The following ENPP4 variants were observed in gnomAD, a reference collection of about 807,000 sequenced individuals.
The protein encoded by ENPP4 is bis(5'-adenosyl)-triphosphatase ENPP4.
A neutral mutation model predicts 33.4 loss-of-function variants in ENPP4; 18 were observed. The ratio of observed to expected loss-of-function variants is 0.54; its 90% CI spans 0.37 to 0.80. ENPP4 has a LOEUF of 0.80. Among genes scored for constraint, ENPP4 ranks in the 30% least tolerant of loss-of-function variants. The pLI is 0.00. For synonymous variants in ENPP4, 172 were observed against 189.9 expected (o/e 0.91, Z 0.78); for missense variants, 480 against 541.7 (o/e 0.89, Z 1.13).
At chr6:46,132,246 T>C (rs1161356318) in intron 1 of ENPP4, among the ~76,000 whole-genome samples, 1 of 152,146 alleles carries the variant, frequency 6.6e-6, no homozygotes, top group East Asian at 1.9e-4. Flanking sequence ...ATGTCCTGAA[T>C]GGTAATGCCT....
rs959539104 is a variant in ENPP4 at position 46,145,577 on chromosome 6, A to G, written c.*1937A>G. 6.6e-6 allele frequency: 1 copy of G among 151,850 alleles called. No individual in the cohort carries two copies. Among genetic ancestry groups the G allele is most frequent in the African/African-American group, 2.4e-5 (1 of 41,400 alleles). The allele number at this position is 151,850 out of a possible 1,614,324, so 9.4% of individuals were successfully genotyped here. A position where few individuals can be genotyped will look rare whatever the true frequency, so the allele number is the denominator to read the frequency against. On this transcript the variant is annotated 3_prime_UTR_variant, in exon 4 of 4. Coordinates refer to ENST00000321037, the MANE Select transcript of ENPP4 (RefSeq NM_014936.5). ...TTTTTGAAGTATCTAAAATAGTAGC[A>G]GAATATTTTATACTTGGTCCTTGCA...
At position 46,144,957 on chromosome 6, in the gene ENPP4, A is replaced by ACCT; in HGVS notation, c.*1317_*1318insCCT. On this transcript the variant is annotated 3_prime_UTR_variant, in exon 4 of 4. Transcript: ENST00000321037. ...GAAGAACTGTCATCCTGCCTTTGCT[A>ACCT]GCTGGTACCTTCTAGTAATCAAAAT... is the stretch of plus-strand genomic sequence containing the variant. The ACCT allele has an allele frequency of 2.5e-6, 1 of 396,524 alleles. No individual in the cohort carries two copies. The highest frequency in any genetic ancestry group is 3.6e-5 in the East Asian group (1 of 28,004). 24.6% of individuals were successfully genotyped at this position (396,524 alleles called of 1,614,324 possible). A position where few individuals can be genotyped will look rare whatever the true frequency, so the allele number is the denominator to read the frequency against.
At chr6:46,136,891 G>A (rs1489606836) in intron 1 of ENPP4, among the ~76,000 whole-genome samples, 1 of 151,874 alleles carries the variant, frequency 6.6e-6, no homozygotes, top group African/African-American at 2.4e-5. Context: ...CAGGTTTCTG[G>A]CCTCTACTGT....
At chr6:46,143,179 C>T in intron 3 of ENPP4, 97 bp from the exon 4 acceptor site, 9 of 1,177,794 alleles carry the variant, frequency 7.6e-6, no homozygotes, top group South Asian at 4.8e-5. Flanking sequence ...ATTTCTAGTC[C>T]CTTTCTGAAA....
At position 46,139,684 on chromosome 6, in the gene ENPP4, A is replaced by G. The variant is rs752642309; in HGVS notation, c.101A>G (p.Asp34Gly). ...CCTAAGTTACTACTAGTATCCTTTG[A>G]TGGCTTCAGAGCTGATTATCTGAAG... ...LPPKLLLVSF[D>G]GFRADYLKNY... is the part of the protein sequence containing the mutation. The change falls in exon 2 of 4, where the codon GAT becomes GGT. Residue 34 changes from aspartate (D) to glycine (G), a missense_variant. This residue lies in a region of ENPP4 where 227 missense variants were observed against 273.7 expected (regional missense o/e 0.83). Coordinates refer to ENST00000321037, the MANE Select transcript of ENPP4 (RefSeq NM_014936.5). 6.2e-7 allele frequency: 1 copy of G among 1,610,378 alleles called. No individual in the cohort carries two copies. Among genetic ancestry groups the G allele is most frequent in the Non-Finnish European group, 8.5e-7 (1 of 1,177,270 alleles).
In ENPP4 at chr6:46,139,554, C is replaced by G; in HGVS notation, c.-30C>G. The G allele has an allele frequency of 8.7e-7, 1 of 1,154,618 alleles. No individual in the cohort carries two copies. The highest frequency in any genetic ancestry group is 1.3e-5 in the South Asian group (1 of 77,220). The allele number at this position is 1,154,618 out of a possible 1,614,324, so 71.5% of individuals were successfully genotyped here. A position where few individuals can be genotyped will look rare whatever the true frequency, so the allele number is the denominator to read the frequency against. On this transcript the variant is annotated 5_prime_UTR_variant, in exon 2 of 4. Coordinates refer to ENST00000321037, the MANE Select transcript of ENPP4 (RefSeq NM_014936.5). ...GAGTTGTGTTTTTACATTTTAGGAA[C>G]CCTGATTGCTGTCCTTCAACGTGTT...
rs1166871120 is a variant in ENPP4, at chr6:46,144,298, GTTAGTC to G, written c.*662_*667del. On this transcript the variant is annotated 3_prime_UTR_variant, in exon 4 of 4. Transcript: ENST00000321037. ...AGTTGTCACCATTATGTCTTAAGCTGTTAGTCTTAAAGATTATTGTTAAAAAATTCA... is the reference window on the plus strand; with the variant it reads ...AGTTGTCACCATTATGTCTTAAGCTGTTAAAGATTATTGTTAAAAAATTCA... 1 of 151,740 alleles carries G rather than the reference GTTAGTC, an allele frequency of 6.6e-6. No homozygotes were observed. Among genetic ancestry groups the G allele is most frequent in the East Asian group, 1.9e-4 (1 of 5,178 alleles). 9.4% of individuals were successfully genotyped at this position (151,740 alleles called of 1,614,324 possible). A position where few individuals can be genotyped will look rare whatever the true frequency, so the allele number is the denominator to read the frequency against.
At chr6:46,137,649 T>G (rs978162334) in intron 1 of ENPP4, among the ~76,000 whole-genome samples, 3 of 151,890 alleles carry the variant, frequency 2.0e-5, no homozygotes, top group African/African-American at 4.8e-5. Flanking sequence ...CCCATATGCC[T>G]CCTCTACCAC....
intron 1 of ENPP4, among the ~76,000 whole-genome samples, chr6:46,135,673 G>A (rs981423895): frequency 1.3e-5 from 2 of 151,928 alleles, no homozygotes; most frequent in Non-Finnish European, 2.9e-5. Flanking sequence ...TTGAAGTCCA[G>A]TTTATTTCTC....
chr6:46,140,514 A>T, intron 2 of ENPP4, 105 bp downstream of exon 2: 1 of 687,278 alleles, frequency 1.5e-6, no homozygotes. Context: ...GTAGTTTAGA[A>T]CCATATACTC....
chr6:46,139,602 C>CT lies in ENPP4; in HGVS notation c.23dup (p.Leu8PhefsTer10). 6.3e-7 allele frequency: 1 copy of CT among 1,586,522 alleles called. No homozygotes were observed. The highest frequency in any genetic ancestry group is 8.6e-7 in the Non-Finnish European group (1 of 1,156,534). The stretch of plus-strand genomic sequence containing the variant: ...GTTCATTATGAAGTTATTAGTAATA[C>CT]TTTTGTTTTCTGGACTTATAACTGG... On this transcript the variant is annotated frameshift_variant, in exon 2 of 4. Coordinates refer to ENST00000321037, the MANE Select transcript of ENPP4 (RefSeq NM_014936.5). LOFTEE classifies it high-confidence loss of function.
At chr6:46,137,444 G>A (rs969142604) in intron 1 of ENPP4, among the ~76,000 whole-genome samples, 3 of 151,866 alleles carry the variant, frequency 2.0e-5, no homozygotes, top group African/African-American at 4.8e-5. Context: ...CTTGACACAA[G>A]TTCTAAAATT....
rs1481792065 is a variant in ENPP4 at position 46,143,408 on chromosome 6, TC to T, written c.1132del (p.Leu378TrpfsTer3). ...IVDIYPMMCHILGLKPHPNNG... is the reference protein window; with the variant it reads ...IVDIYPMMCHXLGLKPHPNNG... ...GATATTTATCCAATGATGTGCCACA[TC>T]CTGGGATTAAAACCACATCCCAATA... is the stretch of plus-strand genomic sequence containing the variant. On this transcript the variant is annotated frameshift_variant, in exon 4 of 4. Transcript: ENST00000321037. LOFTEE classifies it high-confidence loss of function. 2 of 1,612,784 alleles carry T rather than the reference TC, an allele frequency of 1.2e-6. No homozygotes were observed.
chr6:46,130,068 C>T lies in ENPP4; in HGVS notation c.-155C>T, dbSNP rs942120893. 1.3e-5 allele frequency: 2 copies of T among 152,142 alleles called. No homozygotes were observed. Among genetic ancestry groups the T allele is most frequent in the Admixed American group, 6.5e-5 (1 of 15,280 alleles). 9.4% of individuals were successfully genotyped at this position (152,142 alleles called of 1,614,324 possible). ...GCGGCGCCTGCCACTGCGCAGGCGC[C>T]TCAGGAAGAGCTCGGCATCGCCCCT... On this transcript the variant is annotated 5_prime_UTR_variant, in exon 1 of 4. Coordinates refer to ENST00000321037, the MANE Select transcript of ENPP4 (RefSeq NM_014936.5).
intron 1 of ENPP4, among the ~76,000 whole-genome samples, chr6:46,131,293 A>G (rs1297003221): frequency 2.0e-5 from 3 of 151,924 alleles, no homozygotes; most frequent in Non-Finnish European, 2.9e-5. Context: ...ATATCTCCCA[A>G]TGCCATCCCT....
chr6:46,144,820 A>G lies in ENPP4; in HGVS notation c.*1180A>G, dbSNP rs946883778. The stretch of plus-strand genomic sequence containing the variant: ...TCTTTTGGTCTTTCACACCATTCAT[A>G]TGTTAAGTGGCAGAATAGCCTTAGT... On this transcript the variant is annotated 3_prime_UTR_variant, in exon 4 of 4. Transcript: ENST00000321037. 2.5e-6 allele frequency: 1 copy of G among 392,442 alleles called. No individual in the cohort carries two copies. Among genetic ancestry groups the G allele is most frequent in the African/African-American group, 2.1e-5 (1 of 48,384 alleles). The allele number at this position is 392,442 out of a possible 1,614,324, so 24.3% of individuals were successfully genotyped here. A position where few individuals can be genotyped will look rare whatever the true frequency, so the allele number is the denominator to read the frequency against.
At chr6:46,138,615 C>T (rs1329648658) in intron 1 of ENPP4, among the ~76,000 whole-genome samples, 1 of 151,842 alleles carries the variant, frequency 6.6e-6, no homozygotes, top group African/African-American at 2.4e-5. Flanking sequence ...TGTCAGCTCC[C>T]CTACCTTTGC....
Position 46,145,940 on chromosome 6 carries a change from C to T in ENPP4, c.*2300C>T, listed in dbSNP as rs575528289. ...TTATCACTGTTAAAGCCATTGACTCCTTTAGTACACTGAGAAAAATCTTAT... is the reference window on the plus strand; with the variant it reads ...TTATCACTGTTAAAGCCATTGACTCTTTTAGTACACTGAGAAAAATCTTAT... On this transcript the variant is annotated 3_prime_UTR_variant, in exon 4 of 4. Transcript: ENST00000321037. The T allele has an allele frequency of 1.3e-5, 2 of 151,796 alleles. No homozygotes were observed. Among genetic ancestry groups the T allele is most frequent in the African/African-American group, 4.8e-5 (2 of 41,468 alleles). 9.4% of individuals were successfully genotyped at this position (151,796 alleles called of 1,614,324 possible). A position where few individuals can be genotyped will look rare whatever the true frequency, so the allele number is the denominator to read the frequency against.
intron 1 of ENPP4, among the ~76,000 whole-genome samples, chr6:46,130,630 G>A (rs1399754611): frequency 6.6e-6 from 1 of 152,196 alleles, no homozygotes; most frequent in African/African-American, 2.4e-5. Context: ...TATAGATAAT[G>A]ATATTTAAGA....
Sources: allele counts gnomAD v4.1 joint callset (sites outside exome capture counted in the v4.1 genomes callset), GRCh38; gene constraint gnomAD v4.1.1; regional missense constraint gnomAD v4.1.1; transcripts MANE v1.5; gene names NCBI Gene and HGNC (gene_info 2026-07-23, HGNC 2026-07-21).